MIB2: variants seen among roughly 807,000 people sequenced by gnomAD.
MIB2 encodes the protein E3 ubiquitin-protein ligase MIB2.
MIB2 carries 78 observed loss-of-function variants against 96.6 expected under a neutral mutation model. The ratio of observed to expected loss-of-function variants is 0.81; its 90% CI spans 0.67 to 0.97. The LOEUF is 0.97. Ranked by LOEUF, MIB2 falls within the 50% of genes least tolerant of loss-of-function variation. MIB2 has a pLI of 0.00. For synonymous variants in MIB2, 820 were observed against 629.5 expected (o/e 1.30, Z -4.53); for missense variants, 1,543 against 1,424.0 (o/e 1.08, Z -1.35).
At chr1:1,619,108 T>A (rs574982241) in intron 2 of MIB2, 1 of 152,586 alleles carries the variant, frequency 6.6e-6, no homozygotes, top group African/African-American at 2.4e-5. Flanking sequence ...GCACAGTGGC[T>A]CACACCTGGA....
At chr1:1,616,658 C>G (rs752684297) in intron 2 of MIB2, 44 bp downstream of exon 2, 2 of 1,495,052 alleles carry the variant, frequency 1.3e-6, no homozygotes, top group East Asian at 5.1e-5. Context: ...GCACTTGGCT[C>G]TCCCACTTTG....
rs1243506092 is a variant in MIB2 at position 1,626,298 on chromosome 1, TC to T, written c.973-350del. 22 of 351,052 alleles carry T rather than the reference TC, an allele frequency of 6.3e-5. No individual in the cohort carries two copies. The highest frequency in any genetic ancestry group is 3.1e-4 in the Admixed American group (7 of 22,510). The allele number at this position is 351,052 out of a possible 1,614,324, so 21.7% of individuals were successfully genotyped here. On this transcript the variant is annotated intron_variant, in intron 8 of 19. Transcript: ENST00000355826. The surrounding 1 kb of genome is among the most constrained non-coding windows in gnomAD (Gnocchi z 5.3). Reference sequence around the variant, plus strand: ...AGTGGGCCCGTCCTGCACCCCATGGTCCTGGGGCCCCACCCCCACGCTGGCT... The same window carrying T: ...AGTGGGCCCGTCCTGCACCCCATGGTCTGGGGCCCCACCCCCACGCTGGCT...
rs1465495523 is a variant in MIB2, at chr1:1,626,818, CCCCCT to C, written c.1078-9_1078-5del. The C allele has an allele frequency of 1.3e-6, 2 of 1,599,808 alleles. No homozygotes were observed. Among genetic ancestry groups the C allele is most frequent in the Admixed American group, 1.7e-5 (1 of 59,782 alleles). On this transcript the variant is annotated splice_polypyrimidine_tract_variant and intron_variant, in intron 9 of 19. Transcript: ENST00000355826. The surrounding 1 kb of genome is among the most constrained non-coding windows in gnomAD (Gnocchi z 5.3). The stretch of plus-strand genomic sequence containing the variant: ...CCCCCACACCTGCAGCCTGCTGTGA[CCCCCT>C]CCCCTCCCCGCAGGCCCTGGGCCGC...
rs1414892617 is a variant in MIB2, at chr1:1,616,458, C to T, written c.-129-50C>T. 6 of 1,336,724 alleles carry T rather than the reference C, an allele frequency of 4.5e-6. No individual in the cohort carries two copies. The African/African-American group carries it at 4.6e-5, about 10-fold the overall frequency. The allele number at this position is 1,336,724 out of a possible 1,614,324, so 82.8% of individuals were successfully genotyped here. On this transcript the variant is annotated intron_variant, in intron 1 of 19. Coordinates refer to ENST00000355826, the MANE Select transcript of MIB2 (RefSeq NM_001170687.4). ...CCCGGGGGCAGACAGGCGACCGAGC[C>T]GCGGGTCGAGGTGCTAACTGTGCAT...
chr1:1,615,548 TGGCCCAGGAGGGCCTGGGAGCCCGAA>T lies in MIB2; in HGVS notation c.-213_-188del, dbSNP rs1282977104. The T allele has an allele frequency of 6.5e-7, 1 of 1,535,818 alleles. No individual in the cohort carries two copies. Among genetic ancestry groups the T allele is most frequent in the Non-Finnish European group, 8.7e-7 (1 of 1,145,946 alleles). On this transcript the variant is annotated 5_prime_UTR_variant, in exon 1 of 20. Transcript: ENST00000355826. ...AGCCGCCGCTCTCCTCAGTGCCCGG[TGGCCCAGGAGGGCCTGGGAGCCCGAA>T]GCCGTCCCCGAGTCGCTCCTAGGTC... is the stretch of plus-strand genomic sequence containing the variant.
At position 1,626,765 on chromosome 1, in the gene MIB2, C is replaced by G. The variant is rs979691954; in HGVS notation, c.1077+11C>G. On this transcript the variant is annotated intron_variant, in intron 9 of 19. Coordinates refer to ENST00000355826, the MANE Select transcript of MIB2 (RefSeq NM_001170687.4). The surrounding 1 kb of genome is among the most constrained non-coding windows in gnomAD (Gnocchi z 5.3). Reference sequence around the variant, plus strand: ...GACGACATGGCCCCTGTGAGTCCCCCTGCCACCCCCGCCGCTAGCGCCGCT... The same window carrying G: ...GACGACATGGCCCCTGTGAGTCCCCGTGCCACCCCCGCCGCTAGCGCCGCT... 7.7e-6 allele frequency: 12 copies of G among 1,556,850 alleles called. No homozygotes were observed. Among genetic ancestry groups the G allele is most frequent in the Admixed American group, 7.3e-5 (4 of 54,938 alleles).
intron 1 of MIB2, chr1:1,616,106 G>C: frequency 5.1e-6 from 5 of 984,070 alleles, no homozygotes; most frequent in Non-Finnish European, 6.0e-6. Flanking sequence ...GGCAGGTACT[G>C]CGCGGCCCTG....
Position 1,628,279 on chromosome 1 carries a change from GAGAA to G in MIB2, c.1852_1855del (p.Lys618PhefsTer43). 2 of 1,613,076 alleles carry G rather than the reference GAGAA, an allele frequency of 1.2e-6. No homozygotes were observed. Among genetic ancestry groups the G allele is most frequent in the Non-Finnish European group, 1.7e-6 (2 of 1,179,978 alleles). On this transcript the variant is annotated frameshift_variant, in exon 15 of 20. Transcript: ENST00000355826. LOFTEE classifies it high-confidence loss of function. ...CAACCTCCCTGCTCCACAGAGCTGT[GAGAA>G]AGATTCTGGCTCGGGCGCGGCAGCT...
In MIB2 at chr1:1,628,731, G is replaced by C. The variant is rs1442822624; in HGVS notation, c.2202+9G>C. On this transcript the variant is annotated intron_variant, in intron 16 of 19. Transcript: ENST00000355826. Reference sequence around the variant, plus strand: ...TGCAGCTGCTGTCCAGGGTGAGGAAGTGTGGCGTGGGGTGCTGGAGAGGCT... The same window carrying C: ...TGCAGCTGCTGTCCAGGGTGAGGAACTGTGGCGTGGGGTGCTGGAGAGGCT... 3 of 1,522,346 alleles carry C rather than the reference G, an allele frequency of 2.0e-6. No individual in the cohort carries two copies. Among genetic ancestry groups the C allele is most frequent in the East Asian group, 4.9e-5 (2 of 41,168 alleles). The allele number at this position is 1,522,346 out of a possible 1,614,324, so 94.3% of individuals were successfully genotyped here.
Position 1,630,507 on chromosome 1 carries a change from G to A in MIB2, c.2845G>A (p.Asp949Asn). 3 of 1,590,586 alleles carry A rather than the reference G, an allele frequency of 1.9e-6. No individual in the cohort carries two copies. The highest frequency in any genetic ancestry group is 2.6e-6 in the Non-Finnish European group (3 of 1,174,656). The change falls in exon 20 of 20, where the codon GAC becomes AAC. Residue 949 changes from aspartate (D) to asparagine (N), a missense_variant. By Grantham distance (23) the Asp-to-Asn change is conservative. Transcript: ENST00000355826. ...ACPICRQPIRDRIQIFV is the reference protein window; with the variant it reads ...ACPICRQPIRNRIQIFV ...CCCCATCTGCCGCCAGCCCATCCGC[G>A]ACCGCATCCAGATCTTCGTGTGAGC... is the stretch of plus-strand genomic sequence containing the variant.
At chr1:1,627,631 C>G in intron 12 of MIB2, 42 bp from the exon 13 acceptor site, 1 of 1,563,342 alleles carries the variant, frequency 6.4e-7, no homozygotes, top group Non-Finnish European at 8.6e-7. Context: ...CGTCCAGCCA[C>G]CGGGCCCGGC....
intron 2 of MIB2, 50 bp from the exon 3 acceptor site, chr1:1,623,381 G>A (rs769198359): frequency 2.5e-6 from 4 of 1,592,726 alleles, no homozygotes; most frequent in South Asian, 1.1e-5. Flanking sequence ...AATACCCTCT[G>A]CCCACAGGTC....
chr1:1,615,757 C>G (rs1030412291), intron 1 of MIB2, 124 bp downstream of exon 1: 2 of 1,447,878 alleles, frequency 1.4e-6, no homozygotes, highest in Admixed American at 5.4e-5. Context: ...CCGGGCTGGA[C>G]TCGGCGTAGG....
chr1:1,624,655 C>T (rs1450775536), intron 4 of MIB2, 140 bp from the exon 5 acceptor site: 39 of 796,892 alleles, frequency 4.9e-5, no homozygotes, highest in Admixed American at 1.8e-4. Context: ...CGGCCATTCC[C>T]GGGCAAGAGC....
chr1:1,629,032 A>G, intron 16 of MIB2, 101 bp from the exon 17 acceptor site: 1 of 1,249,354 alleles, frequency 8.0e-7, no homozygotes, highest in East Asian at 3.0e-5. Flanking sequence ...CTTGTATTTT[A>G]GACATGGGGC....
Position 1,628,269 on chromosome 1 carries a change from A to G in MIB2, c.1842-4A>G, listed in dbSNP as rs1645004293. The G allele has an allele frequency of 5.0e-6, 8 of 1,612,920 alleles. No homozygotes were observed. The highest frequency in any genetic ancestry group is 6.8e-6 in the Non-Finnish European group (8 of 1,179,956). On this transcript the variant is annotated splice_polypyrimidine_tract_variant and splice_region_variant and intron_variant, in intron 14 of 19. Transcript: ENST00000355826. ...GGTCCCAGACCAACCTCCCTGCTCC[A>G]CAGAGCTGTGAGAAAGATTCTGGCT... is the stretch of plus-strand genomic sequence containing the variant.
intron 2 of MIB2, chr1:1,623,171 C>A: frequency 1.8e-6 from 1 of 546,146 alleles, no homozygotes; most frequent in South Asian, 2.6e-5. Flanking sequence ...CGGGGCCAGG[C>A]TCCCTGATCC....
chr1:1,627,548 T>C (rs1307736565), intron 12 of MIB2, 104 bp downstream of exon 12: 2 of 1,466,606 alleles, frequency 1.4e-6, no homozygotes, highest in African/African-American at 2.9e-5. Context: ...CGTCCTGGGG[T>C]GAGGCCTGGG....
At chr1:1,622,931 C>G (rs1028447691) in intron 2 of MIB2, among the ~76,000 whole-genome samples, 2 of 152,078 alleles carry the variant, frequency 1.3e-5, no homozygotes, top group Admixed American at 6.6e-5. Flanking sequence ...GGTTGTCTGA[C>G]GTTTTCGTGT....
Sources: gnomAD v4.1 joint callset for allele counts (sites outside exome capture counted in the v4.1 genomes callset) on GRCh38, gnomAD v4.1.1 for gene constraint, Gnocchi (gnomAD v3.1) non-coding constraint, MANE v1.5 for transcripts, NCBI Gene and HGNC (gene_info 2026-07-23, HGNC 2026-07-21) for gene names.